Variants in STT3B observed in about 807,000 individuals in gnomAD.
STT3B encodes STT3 oligosaccharyltransferase complex catalytic subunit B, also known as dolichyl-diphosphooligosaccharide--protein glycosyltransferase subunit STT3B.
A neutral mutation model predicts 96.8 loss-of-function variants in STT3B; 29 were observed. That is an observed-to-expected ratio of 0.30 (90% CI 0.22 to 0.41). The LOEUF is 0.41. STT3B is among the 10% of genes least tolerant of loss of function. The probability of loss-of-function intolerance (pLI) is 1.00; values close to 1 mark genes in which losing one functional copy is unlikely to be tolerated. For synonymous variants in STT3B, 367 were observed against 360.0 expected, an observed-to-expected ratio of 1.02 and a Z score of -0.22; for missense variants, 640 against 1,022.3, an observed-to-expected ratio of 0.63 and a Z score of 5.10.
At chr3:31,566,769 C>T (rs999776070) in intron 1 of STT3B, among the ~76,000 whole-genome samples, 1 of 152,250 alleles carries the variant, frequency 6.6e-6, no homozygotes, top group Middle Eastern at 3.4e-3. Flanking sequence ...ATCTTTTCTC[C>T]TCTACTCCCC....
rs182732723 is a variant in STT3B at position 31,555,837 on chromosome 3, T to C, written c.315-20559T>C. Among the ~76,000 whole-genome samples the C allele has an allele frequency of 5.9e-3, 893 of 152,292 alleles. 3 individuals are homozygous for C. The highest frequency in any genetic ancestry group is 0.02 in the South Asian group (98 of 4,828). ...TTTGTAGCATACATAGAATGTGTAA[T>C]GATCCAGTCAAGTTATTTAGGGGTA... On this transcript the variant is annotated intron_variant, in intron 1 of 15. Coordinates refer to ENST00000295770, the MANE Select transcript of STT3B (RefSeq NM_178862.3).
intron 5 of STT3B, among the ~76,000 whole-genome samples, chr3:31,614,536 A>G (rs537767527): frequency 6.6e-6 from 1 of 152,104 alleles, no homozygotes; most frequent in East Asian, 1.9e-4. Context: ...GCTGGTCTGT[A>G]TAATGGCTTG....
chr3:31,607,860 A>G (rs1439353601), intron 5 of STT3B, among the ~76,000 whole-genome samples: 1 of 152,148 alleles, frequency 6.6e-6, no homozygotes, highest in African/African-American at 2.4e-5. Flanking sequence ...TCCGCCTTCC[A>G]AAGTGTTGGG....
At chr3:31,559,138 A>T (rs1251526088) in intron 1 of STT3B, among the ~76,000 whole-genome samples, 109 of 67,804 alleles carry the variant, frequency 1.6e-3, no homozygotes, top group African/African-American at 1.9e-3. Context: ...TGTTTCATTG[A>T]TTCTTGGGGT....
intron 14 of STT3B, among the ~76,000 whole-genome samples, chr3:31,629,835 C>T (rs1005071485): frequency 2.0e-5 from 3 of 152,168 alleles, no homozygotes; most frequent in South Asian, 4.1e-4. Context: ...CCCCATTCTC[C>T]GTTACCACAA....
At chr3:31,620,826 C>T (rs1699411524) in intron 9 of STT3B, among the ~76,000 whole-genome samples, 1 of 152,120 alleles carries the variant, frequency 6.6e-6, no homozygotes, top group African/African-American at 2.4e-5. Flanking sequence ...GGATCTGGAC[C>T]ATGAGTGACA....
intron 1 of STT3B, among the ~76,000 whole-genome samples, chr3:31,533,974 C>G (rs1377155621): frequency 6.6e-6 from 1 of 152,210 alleles, no homozygotes; most frequent in African/African-American, 2.4e-5. Context: ...GATCTGAAAG[C>G]TAGCTACTCT....
At chr3:31,581,259 C>T (rs1043574771) in intron 3 of STT3B, among the ~76,000 whole-genome samples, 1 of 151,682 alleles carries the variant, frequency 6.6e-6, no homozygotes, top group Admixed American at 6.6e-5. Flanking sequence ...CTGAGGTGGG[C>T]AATATTAAGG....
intron 3 of STT3B, among the ~76,000 whole-genome samples, chr3:31,583,674 ATC>A (rs1698466030): frequency 6.6e-6 from 1 of 152,256 alleles, no homozygotes. Flanking sequence ...CTTTCTGCCA[ATC>A]TCTGTTTTTG....
chr3:31,622,847 G>T (rs762559076), intron 10 of STT3B, among the ~76,000 whole-genome samples: 1 of 152,212 alleles, frequency 6.6e-6, no homozygotes, highest in Non-Finnish European at 1.5e-5. Context: ...TAGTTTCTCA[G>T]TTGGTGCAAG....
chr3:31,628,099 A>G (rs1699572256), intron 13 of STT3B, among the ~76,000 whole-genome samples: 1 of 152,068 alleles, frequency 6.6e-6, no homozygotes. Flanking sequence ...TGTTCTCACT[A>G]CAACAAAATA....
intron 9 of STT3B, 104 bp from the exon 10 acceptor site, chr3:31,621,993 G>A: frequency 1.3e-6 from 1 of 751,620 alleles, no homozygotes; most frequent in Non-Finnish European, 2.3e-6. Context: ...TCGTTTGTGA[G>A]ACATTTATAT....
At chr3:31,592,448 A>G (rs1056927639) in intron 3 of STT3B, among the ~76,000 whole-genome samples, 1 of 152,196 alleles carries the variant, frequency 6.6e-6, no homozygotes, top group African/African-American at 2.4e-5. Flanking sequence ...GTGAGTATAT[A>G]CCTTGAAGTG....
chr3:31,594,293 G>T (rs1483946178), intron 3 of STT3B, among the ~76,000 whole-genome samples: 1 of 152,048 alleles, frequency 6.6e-6, no homozygotes, highest in Admixed American at 6.6e-5. Flanking sequence ...TGTCTGTCTG[G>T]AGATAGCACG....
At chr3:31,618,803 T>TAACC (rs1476140471) in intron 8 of STT3B, among the ~76,000 whole-genome samples, 2 of 152,106 alleles carry the variant, frequency 1.3e-5, no homozygotes, top group East Asian at 3.9e-4. Context: ...ATTTGAAGGA[T>TAACC]AACCCAAGTT....
At chr3:31,538,989 G>T (rs932933927) in intron 1 of STT3B, among the ~76,000 whole-genome samples, 2 of 152,004 alleles carry the variant, frequency 1.3e-5, no homozygotes, top group African/African-American at 2.4e-5. Flanking sequence ...ATTAGCGTTG[G>T]GGGAGATAGG....
At position 31,617,926 on chromosome 3, in the gene STT3B, T is replaced by G. The variant is rs776421911; in HGVS notation, c.1124-14T>G. 6.3e-7 allele frequency: 1 copy of G among 1,587,636 alleles called. No individual in the cohort carries two copies. The highest frequency in any genetic ancestry group is 1.1e-5 in the South Asian group (1 of 90,032). On this transcript the variant is annotated splice_polypyrimidine_tract_variant and intron_variant, in intron 7 of 15. Transcript: ENST00000295770. ...AAAAGGCAGATTAATTTCATCCATGTTTTTCCTTCCAAGGTTACATTGCAC... is the reference window on the plus strand; with the variant it reads ...AAAAGGCAGATTAATTTCATCCATGGTTTTCCTTCCAAGGTTACATTGCAC...
intron 1 of STT3B, among the ~76,000 whole-genome samples, chr3:31,568,538 GA>G (rs1698065064): frequency 6.6e-6 from 1 of 152,064 alleles, no homozygotes; most frequent in African/African-American, 2.4e-5. Flanking sequence ...CCTGTCTTTT[GA>G]ATACAAACCA....
chr3:31,599,725 C>T (rs978455888), intron 4 of STT3B, among the ~76,000 whole-genome samples: 1 of 152,080 alleles, frequency 6.6e-6, no homozygotes, highest in Non-Finnish European at 1.5e-5. Flanking sequence ...TGGAGATTCT[C>T]TTTAGAATAT....
Sources: gnomAD v4.1 joint callset for allele counts (sites outside exome capture counted in the v4.1 genomes callset) on GRCh38, gnomAD v4.1.1 for gene constraint, MANE v1.5 for transcripts, NCBI Gene and HGNC (gene_info 2026-07-23, HGNC 2026-07-21) for gene names.